Variants in DLG3 observed in about 807,000 individuals in gnomAD.
DLG3 encodes the protein disks large homolog 3.
DLG3 carries 1 observed loss-of-function variant against 64.1 expected under a neutral mutation model. The ratio of observed to expected loss-of-function variants is 0.02; its 90% confidence interval spans 0.01 to 0.07. The LOEUF is 0.07. DLG3 is among the 10% of genes least tolerant of loss of function. DLG3 has a pLI of 1.00. For synonymous variants in DLG3, 245 were observed against 259.8 expected, an observed-to-expected ratio of 0.94 and a Z score of 0.55; for missense variants, 429 against 669.5, an observed-to-expected ratio of 0.64 and a Z score of 3.96.
At chrX:70,482,663 T>TTTTTTTTTTTG (rs2087180088) in intron 10 of DLG3, among the ~76,000 whole-genome samples, 1 of 58,374 alleles carries the variant, frequency 1.7e-5, no homozygotes, top group Non-Finnish European at 3.0e-5. Context: ...ATGTGTGGTG[T>TTTTTTTTTTTG]TTTTTTTTTT....
intron 9 of DLG3, among the ~76,000 whole-genome samples, chrX:70,470,831 C>T (rs1054348937): frequency 9.0e-6 from 1 of 111,685 alleles, no homozygotes; most frequent in Non-Finnish European, 1.9e-5. Flanking sequence ...AGAGGAGAGA[C>T]GGACTTGGAA....
At chrX:70,497,899 G>A (rs1376053226) in intron 13 of DLG3, among the ~76,000 whole-genome samples, 1 of 111,942 alleles carries the variant, frequency 8.9e-6, no homozygotes, top group Non-Finnish European at 1.9e-5. Context: ...AGCACCGAGT[G>A]GCTTGACGAC....
In DLG3 at chrX:70,449,413, C is replaced by T. The variant is rs766625496; in HGVS notation, c.463C>T (p.Pro155Ser). 3 of 1,211,365 alleles carry T rather than the reference C, an allele frequency of 2.5e-6. No individual in the cohort carries two copies. Among genetic ancestry groups the T allele is most frequent in the East Asian group, 3.0e-5 (1 of 33,830 alleles). ...AGGTGGCATCGACAATCCCCATGTCCCTGATGACCCTGGCATCTTTATTAC... is the reference window on the plus strand; with the variant it reads ...AGGTGGCATCGACAATCCCCATGTCTCTGATGACCCTGGCATCTTTATTAC... The part of the protein sequence containing the change: ...IAGGIDNPHV[P>S]DDPGIFITKI... Residue 155 changes from proline (P) to serine (S), a missense_variant, in exon 3 of 19, where the codon CCT (proline) becomes TCT (serine). Physicochemically the swap from Pro to Ser is moderately conservative, Grantham distance 74. Around this residue, in one of 9 missense-constraint regions of DLG3, gnomAD observed 73 missense variants for 158.5 expected, o/e 0.46. Coordinates refer to ENST00000374360, the MANE Select transcript of DLG3 (RefSeq NM_021120.4).
In DLG3 at chrX:70,445,430, C is replaced by T; in HGVS notation, c.229C>T (p.Pro77Ser). 8.3e-7 allele frequency: 1 copy of T among 1,199,200 alleles called. No individual in the cohort carries two copies. The highest frequency in any genetic ancestry group is 1.7e-5 in the African/African-American group (1 of 57,661). The change falls in exon 1 of 19, where the codon CCC (proline) becomes TCC (serine). Residue 77 changes from proline to serine, a missense_variant. Physicochemically the swap from Pro to Ser is moderately conservative, Grantham distance 74. Transcript: ENST00000374360. ...CCCTCGCACCAAGGCCAAGCTCATCCCCACCGGCCGGGATGTGGGGCCGGT... is the reference window on the plus strand; with the variant it reads ...CCCTCGCACCAAGGCCAAGCTCATCTCCACCGGCCGGGATGTGGGGCCGGT... Reference protein sequence around the residue: ...PTPRTKAKLIPTGRDVGPVPP... With the variant: ...PTPRTKAKLISTGRDVGPVPP...
Position 70,445,347 on chromosome X carries a change from C to G in DLG3, c.146C>G (p.Ala49Gly), listed in dbSNP as rs1569266741. The change falls in exon 1 of 19, where the codon GCG (alanine) becomes GGG (glycine). Residue 49 changes from alanine (A) to glycine (G), a missense_variant. This residue lies in a region of DLG3 where 123 missense variants were observed against 113.3 expected (regional missense o/e 1.09). Coordinates refer to ENST00000374360, the MANE Select transcript of DLG3 (RefSeq NM_021120.4). ...YGPGGGNGAS[A>G]GYGGYSSQTL... Reference sequence around the variant, plus strand: ...CCAGGTGGGGGCAACGGCGCCAGCGCGGGTTATGGGGGCTACAGCTCGCAG... The same window carrying G: ...CCAGGTGGGGGCAACGGCGCCAGCGGGGGTTATGGGGGCTACAGCTCGCAG... 8.5e-7 allele frequency: 1 copy of G among 1,171,394 alleles called. No homozygotes were observed. Among genetic ancestry groups the G allele is most frequent in the South Asian group, 1.9e-5 (1 of 53,168 alleles).
At chrX:70,445,822 G>T (rs1055632126) in intron 1 of DLG3, among the ~76,000 whole-genome samples, 3 of 98,905 alleles carry the variant, frequency 3.0e-5, no homozygotes, top group Non-Finnish European at 4.1e-5. Flanking sequence ...CTGTGTGGGG[G>T]AATTGGGTTT....
rs1569266985 is a variant in DLG3 at position 70,445,573 on chromosome X, A to T, written c.357+15A>T. On this transcript the variant is annotated intron_variant, in intron 1 of 18. Transcript: ENST00000374360. Reference sequence around the variant, plus strand: ...GGTATGAGCAGGTATGGACCAGCGGAGGGGGGAGCGGTGGGGCAACCCAGG... The same window carrying T: ...GGTATGAGCAGGTATGGACCAGCGGTGGGGGGAGCGGTGGGGCAACCCAGG... 2 of 1,169,429 alleles carry T rather than the reference A, an allele frequency of 1.7e-6. No individual in the cohort carries two copies.
chrX:70,454,458 C>G, intron 9 of DLG3, 142 bp downstream of exon 9: 1 of 547,311 alleles, frequency 1.8e-6, no homozygotes. Flanking sequence ...TCTCCTTTTC[C>G]TGCTGGGTAG....
intron 10 of DLG3, among the ~76,000 whole-genome samples, chrX:70,487,537 C>G (rs1039573331): frequency 5.3e-5 from 6 of 112,162 alleles, no homozygotes; most frequent in African/African-American, 1.9e-4. Flanking sequence ...TTTTGGGCTT[C>G]TTGCTACAAC....
At chrX:70,501,587 AG>A (rs1364922702) in intron 18 of DLG3, among the ~76,000 whole-genome samples, 3 of 111,484 alleles carry the variant, frequency 2.7e-5, no homozygotes, top group African/African-American at 9.8e-5. Context: ...AACTGTGTAA[AG>A]AATTCATAAA....
In DLG3 at chrX:70,502,024, C is replaced by A; in HGVS notation, c.2348-139C>A. On this transcript the variant is annotated intron_variant, in intron 18 of 18. Coordinates refer to ENST00000374360, the MANE Select transcript of DLG3 (RefSeq NM_021120.4). ...CAGTGAACCCAAGCCCAAACCCATACTCCTGGGAACATGTCCTTCATGTGA... is the reference window on the plus strand; with the variant it reads ...CAGTGAACCCAAGCCCAAACCCATAATCCTGGGAACATGTCCTTCATGTGA... 2 of 520,651 alleles carry A rather than the reference C, an allele frequency of 3.8e-6. 1 individual carries two copies. The highest frequency in any genetic ancestry group is 7.6e-5 in the East Asian group (2 of 26,470). 42.9% of individuals were successfully genotyped at this position (520,651 alleles called of 1,213,427 possible).
intron 9 of DLG3, among the ~76,000 whole-genome samples, chrX:70,466,539 A>G (rs1343581040): frequency 2.8e-5 from 3 of 106,821 alleles, no homozygotes; most frequent in African/African-American, 1.0e-4. Context: ...CCCAGGTTCA[A>G]GCGATTCTCC....
At chrX:70,495,006 G>A (rs1326562525) in intron 12 of DLG3, among the ~76,000 whole-genome samples, 1 of 111,970 alleles carries the variant, frequency 8.9e-6, no homozygotes, top group Non-Finnish European at 1.9e-5. Context: ...CAGAGACCTG[G>A]GCTCCACAAC....
intron 13 of DLG3, among the ~76,000 whole-genome samples, chrX:70,497,441 G>A (rs1166409363): frequency 8.9e-6 from 1 of 112,706 alleles, no homozygotes; most frequent in East Asian, 2.8e-4. Flanking sequence ...AGTGCTGGCC[G>A]GGACCTGACT....
At chrX:70,477,577 T>C (rs1244697128) in intron 9 of DLG3, among the ~76,000 whole-genome samples, 1 of 111,115 alleles carries the variant, frequency 9.0e-6, no homozygotes, top group Non-Finnish European at 1.9e-5. Flanking sequence ...ACAGGAACAT[T>C]GTCCAGCTGT....
rs746552055 is a variant in DLG3, at chrX:70,471,769, C to A, written c.1406-7381C>A. On this transcript the variant is annotated intron_variant, in intron 9 of 18. Transcript: ENST00000374360. ...CAATATATTTCTTTTTTGTCTTTCT[C>A]CACTTTTGAAGGATCCAACATATTT... 2.7e-5 allele frequency among the ~76,000 whole-genome samples: 3 copies of A among 111,427 alleles called. No homozygotes were observed. In the South Asian group the frequency reaches 1.2e-3, roughly 43 times the overall value.
chrX:70,450,202 A>G lies in DLG3; in HGVS notation c.737A>G (p.Asn246Ser). The G allele has an allele frequency of 8.3e-7, 1 of 1,210,736 alleles. No individual in the cohort carries two copies. Among genetic ancestry groups the G allele is most frequent in the Non-Finnish European group, 1.1e-6 (1 of 894,916 alleles). The change falls in exon 5 of 19, where the codon AAC becomes AGC. Residue 246 changes from asparagine (N) to serine (S), a missense_variant. By Grantham distance (46) the Asn-to-Ser change is conservative. Coordinates refer to ENST00000374360, the MANE Select transcript of DLG3 (RefSeq NM_021120.4). ...TTCAGCATTGCTGGGGGTATTGGCA[A>G]CCAGCACATCCCAGGAGACAACAGC... is the stretch of plus-strand genomic sequence containing the variant. ...LGFSIAGGIG[N>S]QHIPGDNSIY...
chrX:70,498,467 T>C, intron 13 of DLG3, 53 bp from the exon 14 acceptor site: 1 of 1,160,283 alleles, frequency 8.6e-7, no homozygotes, highest in Middle Eastern at 2.4e-4. Context: ...GGGAGTACTG[T>C]ACAGAAGGAG....
chrX:70,477,618 C>T (rs766188695), intron 9 of DLG3, among the ~76,000 whole-genome samples: 135 of 111,429 alleles, frequency 1.2e-3, no homozygotes, highest in Non-Finnish European at 2.1e-3. Context: ...CCCCACCCCC[C>T]GCAACGTTTA....
Sources: allele counts gnomAD v4.1 joint callset (sites outside exome capture counted in the v4.1 genomes callset), GRCh38; gene constraint gnomAD v4.1.1; regional missense constraint gnomAD v4.1.1; transcripts MANE v1.5; gene names NCBI Gene and HGNC (gene_info 2026-07-23, HGNC 2026-07-21).